The following LRRC4C variants were observed in gnomAD, a reference collection of about 807,000 sequenced individuals.
LRRC4C encodes leucine-rich repeat-containing protein 4C.
In LRRC4C, 5 loss-of-function variants were observed where a neutral mutation model predicts 33.6. The observed-to-expected ratio is 0.15, with a 90% CI of 0.08 to 0.31. The LOEUF is 0.31. Ranked by LOEUF, LRRC4C falls within the 10% of genes least tolerant of loss-of-function variation. The pLI is 1.00. For synonymous variants in LRRC4C, 329 were observed against 302.0 expected (o/e 1.09, Z -0.93); for missense variants, 560 against 796.7 (o/e 0.70, Z 3.58).
chr11:40,356,162 T>A (rs911171610), intron 3 of LRRC4C, among the ~76,000 whole-genome samples: 3 of 152,146 alleles, frequency 2.0e-5, no homozygotes, highest in African/African-American at 7.2e-5. Context: ...TCCAGTTATG[T>A]GGTCTTTGCC....
In LRRC4C at chr11:40,176,082, G is replaced by A. The variant is rs527329110; in HGVS notation, c.-95-35229C>T. Among the ~76,000 whole-genome samples, 10 of 152,182 alleles carry A rather than the reference G, an allele frequency of 6.6e-5. No homozygotes were observed. In the East Asian group the frequency reaches 1.4e-3, roughly 21 times the overall value. ...ATAAATATATTATTTAGAGAGTTTA[G>A]GGAGAATGAGATGACATAATAATTG... On this transcript the variant is annotated intron_variant, in intron 5 of 6. Transcript: ENST00000528697.
intron 2 of LRRC4C, among the ~76,000 whole-genome samples, chr11:40,837,676 CAAAAAA>C (rs139136576): frequency 9.2e-6 from 1 of 108,496 alleles, no homozygotes. Flanking sequence ...CCTGTCTCTT[CAAAAAA>C]AAAAAAAAAA....
intron 5 of LRRC4C, among the ~76,000 whole-genome samples, chr11:40,146,943 A>G (rs151332569): frequency 1.3e-4 from 20 of 152,188 alleles, no homozygotes; most frequent in South Asian, 2.1e-4. Context: ...ACACAGGATC[A>G]AATTAAGTCA....
intron 1 of LRRC4C, among the ~76,000 whole-genome samples, chr11:40,941,332 G>A (rs1285022885): frequency 6.6e-6 from 1 of 151,972 alleles, no homozygotes; most frequent in Non-Finnish European, 1.5e-5. Flanking sequence ...TGATTTTATA[G>A]CTGTCTAAGA....
intron 1 of LRRC4C, among the ~76,000 whole-genome samples, chr11:41,037,061 A>C (rs138074995): frequency 2.4e-4 from 36 of 152,304 alleles, no homozygotes; most frequent in Admixed American, 9.2e-4. Flanking sequence ...AATACCCAGT[A>C]ATCTTTTTGA....
At chr11:40,984,363 A>AAAG (rs1852789378) in intron 1 of LRRC4C, among the ~76,000 whole-genome samples, 11 of 120,402 alleles carry the variant, frequency 9.1e-5, no homozygotes, top group East Asian at 4.7e-4. Context: ...AAAGAAAGAA[A>AAAG]AAAGAAAGAA....
chr11:41,337,042 A>C (rs565747825), intron 1 of LRRC4C, among the ~76,000 whole-genome samples: 1 of 152,166 alleles, frequency 6.6e-6, no homozygotes, highest in African/African-American at 2.4e-5. Context: ...ATTAACATTA[A>C]ATTCTTTTTC....
At chr11:41,455,024 G>A (rs555830494) in intron 1 of LRRC4C, among the ~76,000 whole-genome samples, 1 of 152,096 alleles carries the variant, frequency 6.6e-6, no homozygotes, top group Admixed American at 6.6e-5. Context: ...AGACAGCTAA[G>A]GCTTCATGAG....
intron 1 of LRRC4C, among the ~76,000 whole-genome samples, chr11:41,140,031 C>T (rs1311399735): frequency 1.3e-5 from 2 of 152,044 alleles, no homozygotes; most frequent in East Asian, 1.9e-4. Flanking sequence ...GAAAATAGTC[C>T]CGGTTTCAAA....
intron 3 of LRRC4C, among the ~76,000 whole-genome samples, chr11:40,569,657 T>C (rs1423324083): frequency 6.6e-6 from 1 of 152,166 alleles, no homozygotes; most frequent in Non-Finnish European, 1.5e-5. Context: ...GGAAGTTTGA[T>C]GATTAAATGA....
At chr11:40,606,605 A>C (rs913997683) in intron 3 of LRRC4C, among the ~76,000 whole-genome samples, 1 of 152,162 alleles carries the variant, frequency 6.6e-6, no homozygotes, top group Admixed American at 6.5e-5. Flanking sequence ...ACAATTCAAA[A>C]TAACCATCAT....
intron 3 of LRRC4C, among the ~76,000 whole-genome samples, chr11:40,430,667 T>TA (rs1950886748): frequency 2.0e-5 from 3 of 152,174 alleles, no homozygotes; most frequent in Non-Finnish European, 4.4e-5. Context: ...CATATATATA[T>TA]TTTTAATTGA....
At chr11:41,198,656 A>G (rs376375380) in intron 1 of LRRC4C, among the ~76,000 whole-genome samples, 41 of 151,932 alleles carry the variant, frequency 2.7e-4, no homozygotes, top group African/African-American at 9.2e-4. Flanking sequence ...ATAGAAAAAC[A>G]CACACTCAAT....
chr11:40,534,485 G>T (rs1478224557), intron 3 of LRRC4C, among the ~76,000 whole-genome samples: 2 of 152,132 alleles, frequency 1.3e-5, no homozygotes, highest in Non-Finnish European at 2.9e-5. Flanking sequence ...TTGTTTGCCT[G>T]CTTTCTAGCT....
chr11:40,657,564 C>G (rs1943194181), intron 2 of LRRC4C, among the ~76,000 whole-genome samples: 1 of 152,238 alleles, frequency 6.6e-6, no homozygotes, highest in East Asian at 1.9e-4. Context: ...AATCAGAAAC[C>G]CAAAGAATGC....
chr11:41,096,718 G>A (rs925371754), intron 1 of LRRC4C, among the ~76,000 whole-genome samples: 15 of 152,110 alleles, frequency 9.9e-5, no homozygotes, highest in African/African-American at 3.4e-4. Context: ...GAATGCAAAC[G>A]GCAAAGATGG....
At chr11:41,313,571 A>C (rs1282972472) in intron 1 of LRRC4C, among the ~76,000 whole-genome samples, 1 of 152,208 alleles carries the variant, frequency 6.6e-6, no homozygotes, top group Non-Finnish European at 1.5e-5. Flanking sequence ...CTCTTGAGAC[A>C]GTGCTCATTT....
intron 5 of LRRC4C, among the ~76,000 whole-genome samples, chr11:40,195,757 G>T (rs753040620): frequency 4.0e-5 from 6 of 148,630 alleles, no homozygotes; most frequent in African/African-American, 7.4e-5. Flanking sequence ...AAAAAAAAAA[G>T]ATTTCCTTGA....
At position 40,146,642 on chromosome 11, in the gene LRRC4C, T is replaced by C. The variant is rs575300273; in HGVS notation, c.-95-5789A>G. Among the ~76,000 whole-genome samples the C allele has an allele frequency of 3.4e-4, 52 of 152,304 alleles. 1 individual carries two copies. The South Asian group carries it at 0.01, about 30-fold the overall frequency. On this transcript the variant is annotated intron_variant, in intron 5 of 6. Coordinates refer to ENST00000528697, the MANE Select transcript of LRRC4C (RefSeq NM_001258419.2). ...ATGGTGTTCCTGACGGAATGGCTTC[T>C]AAGACCTTCCAGTCATCTACAAATA...
Sources: allele counts gnomAD v4.1 joint callset (sites outside exome capture counted in the v4.1 genomes callset), GRCh38; gene constraint gnomAD v4.1.1; transcripts MANE v1.5; gene names NCBI Gene and HGNC (gene_info 2026-07-23, HGNC 2026-07-21).